Variants in PRKCQ observed in about 807,000 individuals in gnomAD.
PRKCQ encodes protein kinase C theta type.
PRKCQ carries 41 observed loss-of-function variants against 91.2 expected under a neutral mutation model. The ratio of observed to expected loss-of-function variants is 0.45; its 90% confidence interval spans 0.35 to 0.58. The LOEUF (loss-of-function observed/expected upper bound fraction) is 0.58. Among genes scored for constraint, PRKCQ ranks in the 20% least tolerant of loss-of-function variants. The pLI, the probability that PRKCQ is intolerant of heterozygous loss-of-function variation, is 0.00. For missense variants in PRKCQ, 673 were observed against 896.5 expected (o/e 0.75, Z 3.18); for synonymous variants, 307 against 316.9 (o/e 0.97, Z 0.33).
intron 1 of PRKCQ, among the ~76,000 whole-genome samples, chr10:6,570,008 T>C (rs188623394): frequency 2.0e-5 from 3 of 151,228 alleles, no homozygotes; most frequent in African/African-American, 7.3e-5. Flanking sequence ...ACATCAGTCA[T>C]CCAGGTTGAT....
chr10:6,421,526 A>C, the PRKCQ span, among the ~76,000 whole-genome samples: 1 of 152,202 alleles, frequency 6.6e-6, no homozygotes, highest in Non-Finnish European at 1.5e-5. The surrounding 1 kb of genome is among the most constrained non-coding windows in gnomAD (Gnocchi z 4.1). Flanking sequence ...CTACATTTCA[A>C]GCCAACAATA....
intron 1 of PRKCQ, among the ~76,000 whole-genome samples, chr10:6,579,427 C>G (rs1267719499): frequency 6.6e-6 from 1 of 152,118 alleles, no homozygotes; most frequent in Non-Finnish European, 1.5e-5. Context: ...CAGAAATGAC[C>G]GGAGTCTCCC....
At chr10:6,448,226 G>T (rs1329842762) in intron 15 of PRKCQ, among the ~76,000 whole-genome samples, 1 of 152,192 alleles carries the variant, frequency 6.6e-6, no homozygotes, top group Non-Finnish European at 1.5e-5. Flanking sequence ...CCCTGATGGG[G>T]AGAAGCTCAA....
intron 12 of PRKCQ, 54 bp downstream of exon 12, chr10:6,478,938 A>G: frequency 6.3e-7 from 1 of 1,588,946 alleles, no homozygotes; most frequent in Non-Finnish European, 8.6e-7. Flanking sequence ...CATTGAAGGT[A>G]TCATGCTGAG....
At chr10:6,546,337 G>C (rs1185615221) in intron 1 of PRKCQ, among the ~76,000 whole-genome samples, 1 of 152,196 alleles carries the variant, frequency 6.6e-6, no homozygotes, top group African/African-American at 2.4e-5. Context: ...ACACCATCCA[G>C]GTTTACAGTA....
chr10:6,472,845 T>C (rs1382698570), intron 12 of PRKCQ, among the ~76,000 whole-genome samples: 1 of 152,132 alleles, frequency 6.6e-6, no homozygotes, highest in African/African-American at 2.4e-5. Context: ...CCTGAGTAGC[T>C]GGGATTATAG....
chr10:6,563,570 A>T (rs900604241), intron 1 of PRKCQ, among the ~76,000 whole-genome samples: 7 of 152,222 alleles, frequency 4.6e-5, no homozygotes, highest in African/African-American at 1.4e-4. Context: ...GAGTGCTCTC[A>T]GCCTCCAATT....
the PRKCQ span, among the ~76,000 whole-genome samples, chr10:6,399,288 T>C: frequency 1.3e-5 from 2 of 152,206 alleles, no homozygotes; most frequent in African/African-American, 2.4e-5. Context: ...GTATGTAAGC[T>C]AGTGGTTGGA....
the PRKCQ span, among the ~76,000 whole-genome samples, chr10:6,419,682 CTCCT>C: frequency 1.6e-5 from 2 of 127,630 alleles, no homozygotes; most frequent in Non-Finnish European, 3.1e-5. Flanking sequence ...GAACTGAAAT[CTCCT>C]TTTTTTTTTT....
chr10:6,567,238 C>T (rs1840867022), intron 1 of PRKCQ, among the ~76,000 whole-genome samples: 1 of 152,144 alleles, frequency 6.6e-6, no homozygotes, highest in African/African-American at 2.4e-5. Flanking sequence ...CACAATAGGA[C>T]ACTTAAAAAA....
At chr10:6,443,568 G>C (rs1179400830) in intron 15 of PRKCQ, among the ~76,000 whole-genome samples, 2 of 152,178 alleles carry the variant, frequency 1.3e-5, no homozygotes, top group Non-Finnish European at 2.9e-5. Flanking sequence ...AAAAACAAAT[G>C]CTGCAAGATC....
chr10:6,408,976 G>A, the PRKCQ span, among the ~76,000 whole-genome samples: 1,141 of 152,300 alleles, frequency 7.5e-3, 5 homozygotes, highest in South Asian at 0.015. Context: ...TACTGTTGCA[G>A]TTTACACTTT....
intron 4 of PRKCQ, among the ~76,000 whole-genome samples, chr10:6,502,559 G>A (rs1178409340): frequency 1.3e-5 from 2 of 152,224 alleles, no homozygotes; most frequent in African/African-American, 4.8e-5. Context: ...CAGACAATTT[G>A]CAGATGCTGG....
chr10:6,576,185 A>G lies in PRKCQ; in HGVS notation c.-10+4026T>C, dbSNP rs898152045. On this transcript the variant is annotated intron_variant, in intron 1 of 17. Transcript: ENST00000263125. The surrounding 1 kb of genome is among the most constrained non-coding windows in gnomAD (Gnocchi z 4.2). ...AAATTAAACATAGAATTACCCTACG[A>G]CCCCACAATTCTACTGCTGGGTACA... Among the ~76,000 whole-genome samples the G allele has an allele frequency of 1.3e-5, 2 of 152,158 alleles. No homozygotes were observed. The highest frequency in any genetic ancestry group is 2.4e-5 in the African/African-American group (1 of 41,428).
chr10:6,572,603 T>C (rs555984113), intron 1 of PRKCQ, among the ~76,000 whole-genome samples: 3 of 152,356 alleles, frequency 2.0e-5, no homozygotes, highest in African/African-American at 7.2e-5. Context: ...CTATGGTGTG[T>C]ATGTACATTT....
chr10:6,398,914 C>A, the PRKCQ span, among the ~76,000 whole-genome samples: 1 of 152,178 alleles, frequency 6.6e-6, no homozygotes, highest in East Asian at 1.9e-4. Flanking sequence ...CCACCACACC[C>A]AACTAATTAA....
chr10:6,491,251 T>C (rs1163802222), intron 8 of PRKCQ, among the ~76,000 whole-genome samples: 1 of 152,170 alleles, frequency 6.6e-6, no homozygotes, highest in Non-Finnish European at 1.5e-5. Flanking sequence ...CTTGATGAGA[T>C]GACAGAAAGA....
At chr10:6,426,617 T>C (rs1833129250), downstream of PRKCQ, among the ~76,000 whole-genome samples, 1 of 152,196 alleles carries the variant, frequency 6.6e-6, no homozygotes, top group African/African-American at 2.4e-5. Flanking sequence ...GGGGAGTGTC[T>C]ATTTAAAAAA....
At chr10:6,520,152 G>T (rs769310442) in intron 1 of PRKCQ, among the ~76,000 whole-genome samples, 3 of 152,118 alleles carry the variant, frequency 2.0e-5, no homozygotes, top group Non-Finnish European at 1.5e-5. Context: ...TCACGCATTC[G>T]ACTCTCTCCT....
Sources: allele counts gnomAD v4.1 joint callset (sites outside exome capture counted in the v4.1 genomes callset), GRCh38; gene constraint gnomAD v4.1.1; non-coding constraint Gnocchi (gnomAD v3.1); transcripts MANE v1.5; gene names NCBI Gene and HGNC (gene_info 2026-07-23, HGNC 2026-07-21).